Variants in CLASP1 observed in about 807,000 individuals in gnomAD.
CLASP1 encodes the protein cytoplasmic linker associated protein 1.
A neutral mutation model predicts 192.3 loss-of-function variants in CLASP1; 38 were observed. That is an observed-to-expected ratio of 0.20 (90% CI 0.15 to 0.26). CLASP1 has a LOEUF of 0.26. Among genes scored for constraint, CLASP1 ranks in the 10% least tolerant of loss-of-function variants. The probability of loss-of-function intolerance (pLI) is 1.00; values close to 1 mark genes in which losing one functional copy is unlikely to be tolerated. For missense variants in CLASP1, 1,433 were observed against 1,932.5 expected, an observed-to-expected ratio of 0.74 and a Z score of 4.85; for synonymous variants, 691 against 712.8, an observed-to-expected ratio of 0.97 and a Z score of 0.49.
chr2:121,443,837 C>CA (rs534903908), intron 19 of CLASP1, among the ~76,000 whole-genome samples: 50 of 149,170 alleles, frequency 3.4e-4, no homozygotes, highest in Admixed American at 2.7e-4. Flanking sequence ...TGTTCACCTT[C>CA]AAAAAAAAAA....
chr2:121,464,429 C>T (rs1217357714), intron 9 of CLASP1, among the ~76,000 whole-genome samples: 1 of 152,168 alleles, frequency 6.6e-6, no homozygotes, highest in Admixed American at 6.5e-5. Flanking sequence ...ACACTGACTT[C>T]CACAATGGTT....
intron 2 of CLASP1, among the ~76,000 whole-genome samples, chr2:121,582,656 AGG>A (rs1287991095): frequency 6.6e-6 from 1 of 151,842 alleles, no homozygotes. Context: ...AGGGAGAGAG[AGG>A]GAGAAAGTCT....
chr2:121,557,516 G>A (rs1287385639), intron 2 of CLASP1, among the ~76,000 whole-genome samples: 2 of 151,688 alleles, frequency 1.3e-5, no homozygotes, highest in Middle Eastern at 3.2e-3. Context: ...CCTGGGAGGC[G>A]GAGGTTGCAG....
chr2:121,471,687 G>C (rs548598774), intron 8 of CLASP1, among the ~76,000 whole-genome samples: 7 of 152,186 alleles, frequency 4.6e-5, no homozygotes, highest in Admixed American at 2.6e-4. Flanking sequence ...GGGGGAGGAG[G>C]AAAGACATCT....
In CLASP1 at chr2:121,367,847, C is replaced by A; in HGVS notation, c.3643-16G>T. On this transcript the variant is annotated splice_polypyrimidine_tract_variant and intron_variant, in intron 34 of 39. Transcript: ENST00000263710. ...CGCGGGACACCTGCAGCACAGCACA[C>A]TGTCAGTTCCCTTCTGGGACTTGTA... 6.2e-7 allele frequency: 1 copy of A among 1,610,600 alleles called. No individual in the cohort carries two copies. Among genetic ancestry groups the A allele is most frequent in the African/African-American group, 1.3e-5 (1 of 75,012 alleles).
intron 37 of CLASP1, among the ~76,000 whole-genome samples, chr2:121,354,870 A>C (rs13414409): frequency 0.01 from 1,569 of 152,276 alleles, 28 homozygotes; most frequent in African/African-American, 0.035. Flanking sequence ...GAGCAAGCTA[A>C]GGCCTCCTGG....
chr2:121,376,986 TTA>T (rs1324766609), intron 34 of CLASP1, among the ~76,000 whole-genome samples: 1 of 152,212 alleles, frequency 6.6e-6, no homozygotes, highest in Non-Finnish European at 1.5e-5. Flanking sequence ...AATTATTTCA[TTA>T]TATATTACAA....
intron 8 of CLASP1, 129 bp downstream of exon 8, chr2:121,503,038 T>C: frequency 1.6e-6 from 1 of 619,308 alleles, no homozygotes; most frequent in South Asian, 2.2e-5. Context: ...GAAAACTGGG[T>C]GAATGGAGGT....
intron 2 of CLASP1, among the ~76,000 whole-genome samples, chr2:121,598,760 A>G (rs1279003136): frequency 6.6e-6 from 1 of 152,246 alleles, no homozygotes; most frequent in African/African-American, 2.4e-5. Context: ...TAAGGAATAA[A>G]TGGTAGCCAT....
exon 40 of CLASP1, chr2:121,338,510 G>C (rs1413395459): frequency 3.3e-5 from 5 of 152,720 alleles, no homozygotes; most frequent in South Asian, 2.1e-4. Flanking sequence ...CATTGGAACA[G>C]GGGCCCTGCA....
intron 6 of CLASP1, among the ~76,000 whole-genome samples, chr2:121,521,135 GAA>G (rs1016718773): frequency 6.6e-6 from 1 of 151,848 alleles, no homozygotes; most frequent in African/African-American, 2.4e-5. Flanking sequence ...TGTTTTTGAA[GAA>G]AAAAAGTCTA....
Position 121,418,527 on chromosome 2 carries a change from T to C in CLASP1, c.2320+95A>G, listed in dbSNP as rs911305623. 70 of 824,228 alleles carry C rather than the reference T, an allele frequency of 8.5e-5. No homozygotes were observed. In the African/African-American group the frequency reaches 1.0e-3, roughly 12 times the overall value. 51.1% of individuals were successfully genotyped at this position (824,228 alleles called of 1,614,324 possible). ...AAAGAAGAAAGGATCACAAGGACAG[T>C]AGAGGAGGAAAAGCAGGTCATTCCG... On this transcript the variant is annotated intron_variant, in intron 23 of 39. Coordinates refer to ENST00000263710, the Ensembl canonical transcript of CLASP1.
intron 25 of CLASP1, among the ~76,000 whole-genome samples, chr2:121,405,296 C>T (rs1232707180): frequency 2.0e-5 from 3 of 152,002 alleles, no homozygotes; most frequent in South Asian, 2.1e-4. Flanking sequence ...GCAACAAGAG[C>T]GAAACTCAGT....
chr2:121,425,254 T>A, exon 22 of CLASP1: 1 of 1,613,356 alleles, frequency 6.2e-7, no homozygotes, highest in South Asian at 1.1e-5. Context: ...CCCCAGTAAG[T>A]CCACCATAAC....
chr2:121,565,972 A>G (rs1486631764), intron 2 of CLASP1, among the ~76,000 whole-genome samples: 1 of 152,230 alleles, frequency 6.6e-6, no homozygotes, highest in African/African-American at 2.4e-5. Context: ...ACTTTCTTGC[A>G]GGGTTGTTTC....
intron 2 of CLASP1, among the ~76,000 whole-genome samples, chr2:121,562,168 T>C (rs2059142973): frequency 6.6e-6 from 1 of 152,162 alleles, no homozygotes; most frequent in Non-Finnish European, 1.5e-5. Context: ...CAAGTCTTCT[T>C]AGAGCTGGGG....
intron 8 of CLASP1, among the ~76,000 whole-genome samples, chr2:121,499,407 G>A (rs1353293991): frequency 6.6e-6 from 1 of 152,026 alleles, no homozygotes. Flanking sequence ...CCAGAAACTG[G>A]GGGGAGAGGG....
chr2:121,436,490 A>G (rs2082339891), intron 19 of CLASP1, among the ~76,000 whole-genome samples: 1 of 148,684 alleles, frequency 6.7e-6, no homozygotes, highest in Non-Finnish European at 1.5e-5. Context: ...GGTTCACTGC[A>G]ATTTCCACCT....
chr2:121,461,362 A>C (rs1559294198), intron 10 of CLASP1, among the ~76,000 whole-genome samples, 169 bp from the exon 11 acceptor site: 1 of 152,232 alleles, frequency 6.6e-6, no homozygotes, highest in Non-Finnish European at 1.5e-5. Context: ...GATCTTTCTC[A>C]CTACAAATGT....
Sources: gnomAD v4.1 joint callset for allele counts (sites outside exome capture counted in the v4.1 genomes callset) on GRCh38, gnomAD v4.1.1 for gene constraint, MANE v1.5 for transcripts, NCBI Gene and HGNC (gene_info 2026-07-23, HGNC 2026-07-21) for gene names.